SNX8: variants seen among roughly 807,000 people sequenced by gnomAD.
SNX8 encodes the protein sorting nexin-8.
A neutral mutation model predicts 51.6 loss-of-function variants in SNX8; 25 were observed. The observed-to-expected ratio is 0.48, with a 90% CI of 0.35 to 0.68. SNX8 has a LOEUF of 0.68. Ranked by LOEUF, SNX8 falls within the 30% of genes least tolerant of loss-of-function variation. The probability of loss-of-function intolerance (pLI) is 0.00; values close to 1 mark genes in which losing one functional copy is unlikely to be tolerated. For synonymous variants in SNX8, 324 were observed against 277.0 expected, an observed-to-expected ratio of 1.17 and a Z score of -1.68; for missense variants, 695 against 624.0, an observed-to-expected ratio of 1.11 and a Z score of -1.21.
intron 1 of SNX8, among the ~76,000 whole-genome samples, chr7:2,340,825 C>G (rs1252354541): frequency 6.9e-6 from 1 of 143,956 alleles, no homozygotes; most frequent in African/African-American, 2.6e-5. Flanking sequence ...CCACTGCACT[C>G]CAGCCTGGGT....
chr7:2,256,818 C>G (rs2115087033), intron 10 of SNX8, 56 bp downstream of exon 10: 1 of 1,558,664 alleles, frequency 6.4e-7, no homozygotes, highest in African/African-American at 1.4e-5. Flanking sequence ...GAAGGAAGGG[C>G]GGAGGGACAA....
intron 1 of SNX8, chr7:2,288,578 G>A (rs1282512752): frequency 6.1e-6 from 1 of 164,580 alleles, no homozygotes; most frequent in African/African-American, 2.4e-5. Flanking sequence ...TTTCTCGACT[G>A]CGCAGCCCAG....
chr7:2,289,350 G>A (rs189303484), intron 1 of SNX8, among the ~76,000 whole-genome samples: 10 of 152,258 alleles, frequency 6.6e-5, no homozygotes, highest in South Asian at 2.1e-4. Flanking sequence ...GCTGGATCAC[G>A]GGATCTGCAT....
chr7:2,295,564 G>A (rs185859994), intron 1 of SNX8, among the ~76,000 whole-genome samples: 2 of 144,002 alleles, frequency 1.4e-5, no homozygotes, highest in African/African-American at 5.3e-5. Flanking sequence ...AATCAGCCAG[G>A]CATGGTGGCA....
At chr7:2,302,759 G>A (rs888556566) in intron 1 of SNX8, among the ~76,000 whole-genome samples, 7 of 149,688 alleles carry the variant, frequency 4.7e-5, no homozygotes, top group Admixed American at 1.3e-4. Context: ...CCACCGCCCC[G>A]TCTGGGATGT....
chr7:2,275,160 A>G lies in SNX8; in HGVS notation c.370T>C (p.Phe124Leu). Residue 124 changes from phenylalanine (F) to leucine (L), a missense_variant, in exon 3 of 11, where the codon TTC becomes CTC. By Grantham distance (22) the Phe-to-Leu change is conservative. Transcript: ENST00000222990. ...AGGGCAGGCACCATACGGTAGGGGAACTTGTGCAGGAGCATCTCCTGGAAG... is the reference window on the plus strand; with the variant it reads ...AGGGCAGGCACCATACGGTAGGGGAGCTTGTGCAGGAGCATCTCCTGGAAG... Reference protein sequence around the residue: ...VVFQEMLLHKFPYRMVPALPP... With the variant: ...VVFQEMLLHKLPYRMVPALPP... The G allele has an allele frequency of 6.2e-7, 1 of 1,614,090 alleles. No homozygotes were observed. The highest frequency in any genetic ancestry group is 8.5e-7 in the Non-Finnish European group (1 of 1,179,978).
At chr7:2,292,316 A>T (rs1652015591) in intron 1 of SNX8, among the ~76,000 whole-genome samples, 1 of 152,086 alleles carries the variant, frequency 6.6e-6, no homozygotes, top group African/African-American at 2.4e-5. Context: ...AACTAACTCA[A>T]AACTGATCAC....
intron 1 of SNX8, among the ~76,000 whole-genome samples, chr7:2,307,566 A>AG (rs1344017585): frequency 7.6e-6 from 1 of 132,126 alleles, no homozygotes; most frequent in Non-Finnish European, 1.6e-5. Context: ...CGGGAGGCGG[A>AG]GGGTGCAGTG....
upstream of SNX8, among the ~76,000 whole-genome samples, chr7:2,318,846 T>TA (rs58345834): frequency 1.7e-3 from 225 of 131,444 alleles, 3 homozygotes; most frequent in South Asian, 0.01. Flanking sequence ...ACCCCATCTC[T>TA]AAAAAAAAAA....
At chr7:2,273,458 C>T (rs549282258) in intron 3 of SNX8, among the ~76,000 whole-genome samples, 14 of 151,162 alleles carry the variant, frequency 9.3e-5, no homozygotes, top group Non-Finnish European at 2.1e-4. Context: ...TGGTGGCGGG[C>T]GCCTGTAGTC....
rs1562424195 is a variant in SNX8, at chr7:2,264,287, A to C, written c.782+11T>G. 1 of 1,602,278 alleles carries C rather than the reference A, an allele frequency of 6.2e-7. No individual in the cohort carries two copies. Among genetic ancestry groups the C allele is most frequent in the Non-Finnish European group, 8.5e-7 (1 of 1,171,604 alleles). On this transcript the variant is annotated intron_variant, in intron 6 of 10. Coordinates refer to ENST00000222990, the MANE Select transcript of SNX8 (RefSeq NM_013321.4). ...CGCGCGTGCCCCTGCAGAAGCTGAA[A>C]GGTCACCTACCTTAGCTCCTTCCCG...
intron 1 of SNX8, among the ~76,000 whole-genome samples, chr7:2,348,343 T>C (rs1303940742): frequency 4.5e-4 from 64 of 143,496 alleles, no homozygotes; most frequent in Non-Finnish European, 6.1e-4. Context: ...TCTTTCTTTT[T>C]TTTTTTTTTT....
intron 1 of SNX8, among the ~76,000 whole-genome samples, chr7:2,331,184 C>CAAAAAAA (rs71023397): frequency 1.3e-5 from 1 of 76,726 alleles, no homozygotes; most frequent in Non-Finnish European, 2.4e-5. Context: ...GACTCTGTCT[C>CAAAAAAA]AAAAAAAAAA....
Position 2,263,322 on chromosome 7 carries a change from C to T in SNX8, c.823G>A (p.Ala275Thr), listed in dbSNP as rs749831772. The T allele has an allele frequency of 5.6e-6, 9 of 1,613,096 alleles. No individual in the cohort carries two copies. In the East Asian group the frequency reaches 6.7e-5, roughly 12 times the overall value. The change falls in exon 7 of 11, where the codon GCT becomes ACT. Residue 275 changes from alanine (A) to threonine (T), a missense_variant. Coordinates refer to ENST00000222990, the MANE Select transcript of SNX8 (RefSeq NM_013321.4). Reference sequence around the variant, plus strand: ...GACCCCCACGTGCTGCTATTCAGAGCGGCCCAGGAGGGCAGCGGGGTCGTG... The same window carrying T: ...GACCCCCACGTGCTGCTATTCAGAGTGGCCCAGGAGGGCAGCGGGGTCGTG... ...SDTTPLPSWA[A>T]LNSSTWGSLK...
chr7:2,258,405 C>T (rs530884018), intron 7 of SNX8, among the ~76,000 whole-genome samples: 1 of 152,298 alleles, frequency 6.6e-6, no homozygotes, highest in South Asian at 2.1e-4. Flanking sequence ...CCTTGCCTTT[C>T]TCAGGCCTTC....
intron 1 of SNX8, among the ~76,000 whole-genome samples, chr7:2,347,179 CAATAAT>C (rs375099946): frequency 3.6e-4 from 54 of 152,062 alleles, no homozygotes; most frequent in African/African-American, 1.3e-3. Context: ...CTCCACAAAA[CAATAAT>C]AATAAGAGCC....
chr7:2,284,312 G>C (rs1205735636), intron 1 of SNX8, among the ~76,000 whole-genome samples: 1 of 151,762 alleles, frequency 6.6e-6, no homozygotes, highest in Non-Finnish European at 1.5e-5. Flanking sequence ...TAGGGCAACA[G>C]AGAGAAGGAA....
intron 1 of SNX8, among the ~76,000 whole-genome samples, chr7:2,344,436 C>T (rs997493459): frequency 1.4e-4 from 20 of 147,532 alleles, no homozygotes; most frequent in Non-Finnish European, 2.2e-4. Context: ...ATGGTGAAAC[C>T]CCGTCTCTAC....
rs147853805 is a variant in SNX8 at position 2,295,592 on chromosome 7, C to CA, written c.95-17288dup. On this transcript the variant is annotated intron_variant, in intron 1 of 10. Transcript: ENST00000222990. ...TGGTGGCAGGCGCCTGTAATCCCAG[C>CA]AAAAAAAAAAAAAAAAAAAAAAAAA... Among the ~76,000 whole-genome samples, 602 of 93,372 alleles carry CA rather than the reference C, an allele frequency of 6.4e-3. 7 individuals carry two copies. The highest frequency in any genetic ancestry group is 0.013 in the East Asian group (54 of 4,306). 61.3% of individuals were successfully genotyped at this position (93,372 alleles called of 152,430 possible).
Sources: allele counts gnomAD v4.1 joint callset (sites outside exome capture counted in the v4.1 genomes callset), GRCh38; gene constraint gnomAD v4.1.1; transcripts MANE v1.5; gene names NCBI Gene and HGNC (gene_info 2026-07-23, HGNC 2026-07-21).